NLGN1: variants seen among roughly 807,000 people sequenced by gnomAD.
The protein encoded by NLGN1 is neuroligin 1.
Under a neutral mutation model 65.5 loss-of-function variants are expected in NLGN1, and 12 were observed. That is an observed-to-expected ratio of 0.18 (90% CI 0.12 to 0.30). The LOEUF (loss-of-function observed/expected upper bound fraction) is 0.30. Ranked by LOEUF, NLGN1 falls within the 10% of genes least tolerant of loss-of-function variation. NLGN1 has a pLI of 1.00. For synonymous variants in NLGN1, 350 were observed against 359.5 expected (o/e 0.97, Z 0.30); for missense variants, 750 against 1,007.1 (o/e 0.74, Z 3.46).
At chr3:173,459,344 G>A (rs1024744761) in intron 2 of NLGN1, among the ~76,000 whole-genome samples, 1 of 152,036 alleles carries the variant, frequency 6.6e-6, no homozygotes, top group African/African-American at 2.4e-5. Flanking sequence ...AAATCCCCAC[G>A]TTTTTTCAGG....
intron 3 of NLGN1, among the ~76,000 whole-genome samples, chr3:173,656,991 A>T (rs1418920278): frequency 1.3e-5 from 2 of 152,070 alleles, no homozygotes; most frequent in African/African-American, 4.8e-5. Flanking sequence ...ATTGCTGTAA[A>T]GATTACATTA....
chr3:173,590,068 A>T (rs1352820765), intron 2 of NLGN1, among the ~76,000 whole-genome samples: 1 of 152,146 alleles, frequency 6.6e-6, no homozygotes, highest in African/African-American at 2.4e-5. Flanking sequence ...AACTGACCAG[A>T]AAAAGTGATT....
At chr3:173,861,515 C>CATGTGTGTGT (rs886333674) in intron 4 of NLGN1, among the ~76,000 whole-genome samples, 2 of 141,422 alleles carry the variant, frequency 1.4e-5, no homozygotes, top group African/African-American at 5.2e-5. Flanking sequence ...GTAGCTGGCA[C>CATGTGTGTGT]GTGTGTGTGT....
chr3:173,826,645 G>T (rs572387466), intron 4 of NLGN1, among the ~76,000 whole-genome samples: 2 of 152,010 alleles, frequency 1.3e-5, no homozygotes, highest in Non-Finnish European at 2.9e-5. Context: ...TGATTCATTC[G>T]GTTGAAAAAC....
At chr3:174,065,932 CAT>C (rs374156589) in intron 4 of NLGN1, among the ~76,000 whole-genome samples, 1 of 152,126 alleles carries the variant, frequency 6.6e-6, no homozygotes, top group Non-Finnish European at 1.5e-5. Context: ...CCAACAATCA[CAT>C]GAGTGAGCCA....
At chr3:173,804,893 G>T (rs1252372613) in intron 3 of NLGN1, among the ~76,000 whole-genome samples, 1 of 152,108 alleles carries the variant, frequency 6.6e-6, no homozygotes, top group Non-Finnish European at 1.5e-5. Flanking sequence ...AGACATGGTA[G>T]TAGGCGCCTG....
chr3:173,985,204 T>A (rs933251483), intron 4 of NLGN1, among the ~76,000 whole-genome samples: 1 of 152,246 alleles, frequency 6.6e-6, no homozygotes, highest in Non-Finnish European at 1.5e-5. Context: ...TTTCTCTGTC[T>A]TATTCACTGC....
chr3:173,733,000 C>A (rs1174090546), intron 3 of NLGN1, among the ~76,000 whole-genome samples: 1 of 151,884 alleles, frequency 6.6e-6, no homozygotes, highest in African/African-American at 2.4e-5. Flanking sequence ...ACAGATTATA[C>A]CTTTTATATC....
chr3:173,626,414 A>G (rs1336538777), intron 3 of NLGN1, among the ~76,000 whole-genome samples: 3 of 152,064 alleles, frequency 2.0e-5, no homozygotes, highest in Non-Finnish European at 4.4e-5. Context: ...CAAATAGAAT[A>G]TGTGTGGTTT....
At chr3:173,951,466 T>A (rs940089691) in intron 4 of NLGN1, among the ~76,000 whole-genome samples, 3 of 151,646 alleles carry the variant, frequency 2.0e-5, no homozygotes, top group African/African-American at 7.3e-5. Flanking sequence ...TCTTTTTTTT[T>A]TTTTTCTTTG....
At chr3:173,420,206 C>G (rs941147676) in intron 1 of NLGN1, among the ~76,000 whole-genome samples, 1 of 151,966 alleles carries the variant, frequency 6.6e-6, no homozygotes, top group African/African-American at 2.4e-5. Context: ...AAGTATATCT[C>G]CTAATGCTGT....
At chr3:173,888,826 A>C (rs1046851239) in intron 4 of NLGN1, among the ~76,000 whole-genome samples, 1 of 152,134 alleles carries the variant, frequency 6.6e-6, no homozygotes, top group South Asian at 2.1e-4. Flanking sequence ...CCCAGTTAAA[A>C]TGAAAGCTCA....
At chr3:174,006,853 G>A (rs1724529358) in intron 4 of NLGN1, among the ~76,000 whole-genome samples, 1 of 151,988 alleles carries the variant, frequency 6.6e-6, no homozygotes, top group Non-Finnish European at 1.5e-5. Context: ...TGGATCAGTT[G>A]GGGTCAGGAG....
At chr3:173,651,671 T>TA (rs1416852472) in intron 3 of NLGN1, among the ~76,000 whole-genome samples, 1 of 152,216 alleles carries the variant, frequency 6.6e-6, no homozygotes, top group Non-Finnish European at 1.5e-5. Context: ...TATAAGATGA[T>TA]ACCTCATTGT....
chr3:174,172,853 G>A (rs1191347894), intron 4 of NLGN1, among the ~76,000 whole-genome samples: 2 of 152,054 alleles, frequency 1.3e-5, no homozygotes, highest in Non-Finnish European at 2.9e-5. Context: ...TTTCTGTGAA[G>A]AATGTCTTAG....
chr3:173,931,962 A>C (rs540223247), intron 4 of NLGN1, among the ~76,000 whole-genome samples: 1 of 152,292 alleles, frequency 6.6e-6, no homozygotes, highest in African/African-American at 2.4e-5. Flanking sequence ...AGAAAAAAGC[A>C]GAATTAAGAT....
intron 4 of NLGN1, among the ~76,000 whole-genome samples, chr3:173,836,172 C>A (rs1723592326): frequency 6.6e-6 from 1 of 152,078 alleles, no homozygotes; most frequent in Non-Finnish European, 1.5e-5. Context: ...AATATGAAGA[C>A]ATTAGAATAT....
chr3:173,558,141 T>C (rs1742013944), intron 2 of NLGN1, among the ~76,000 whole-genome samples: 1 of 151,238 alleles, frequency 6.6e-6, no homozygotes. Flanking sequence ...TACAGTTGCA[T>C]TGTCTTCTTA....
chr3:173,702,639 G>A (rs1176365763), intron 3 of NLGN1, among the ~76,000 whole-genome samples: 1 of 152,048 alleles, frequency 6.6e-6, no homozygotes, highest in Non-Finnish European at 1.5e-5. Context: ...TATAATAATC[G>A]CCTTTTATTA....
Sources: allele counts gnomAD v4.1 joint callset (sites outside exome capture counted in the v4.1 genomes callset), GRCh38; gene constraint gnomAD v4.1.1; transcripts MANE v1.5; gene names NCBI Gene and HGNC (gene_info 2026-07-23, HGNC 2026-07-21).